IGSF10: variants seen among roughly 807,000 people sequenced by gnomAD.
The protein encoded by IGSF10 is immunoglobulin superfamily member 10, also known as calvaria mechanical force protein 608.
IGSF10 carries 126 observed loss-of-function variants against 128.2 expected under a neutral mutation model. That is an observed-to-expected ratio of 0.98 (90% CI 0.85 to 1.14). The LOEUF (loss-of-function observed/expected upper bound fraction) is 1.14. Among genes scored for constraint, IGSF10 ranks in the 50% most tolerant of loss-of-function variants. The pLI is 0.00. For missense variants in IGSF10, 3,295 were observed against 3,149.8 expected, an observed-to-expected ratio of 1.05 and a Z score of -1.10; for synonymous variants, 1,185 against 1,146.2, an observed-to-expected ratio of 1.03 and a Z score of -0.68.
chr3:151,498,731 T>C, the IGSF10 span, among the ~76,000 whole-genome samples: 5 of 152,166 alleles, frequency 3.3e-5, no homozygotes, highest in Non-Finnish European at 7.4e-5. Context: ...GACAGCCATT[T>C]CAGAAGCTGA....
the IGSF10 span, among the ~76,000 whole-genome samples, chr3:151,615,879 T>C: frequency 0.011 from 1,688 of 152,226 alleles, 32 homozygotes; most frequent in African/African-American, 0.039. Context: ...CTTGGAGTTA[T>C]GTTAATTTAT....
chr3:151,479,907 G>C, the IGSF10 span, among the ~76,000 whole-genome samples: 1 of 151,410 alleles, frequency 6.6e-6, no homozygotes, highest in East Asian at 1.9e-4. Flanking sequence ...ATCATGAAGA[G>C]ACACAGTCTT....
intron 4 of IGSF10, among the ~76,000 whole-genome samples, chr3:151,454,784 A>G (rs1261473561): frequency 6.6e-6 from 1 of 152,044 alleles, no homozygotes; most frequent in Non-Finnish European, 1.5e-5. Flanking sequence ...ACTTGAGGCC[A>G]GGAGTTTGAG....
the IGSF10 span, among the ~76,000 whole-genome samples, chr3:151,510,933 G>A: frequency 2.0e-5 from 3 of 152,116 alleles, no homozygotes; most frequent in Non-Finnish European, 2.9e-5. Context: ...AAAAAGAAAT[G>A]AACAAAGCCT....
chr3:151,448,257 G>C lies in IGSF10; in HGVS notation c.1724C>G (p.Ala575Gly). The change falls in exon 6 of 8, where the codon GCC becomes GGC. Residue 575 changes from alanine (A) to glycine (G), a missense_variant. Physicochemically the swap from Ala to Gly is moderately conservative, Grantham distance 60. Coordinates refer to ENST00000282466, the MANE Select transcript of IGSF10 (RefSeq NM_178822.5). ...GTGATGAATCCCATTTTCCTGATAG[G>C]CTTCGACCAAAGGTTCTACCACAGT... The part of the protein sequence containing the change: ...RITVVEPLVE[A>G]YQENGIHHTV... 1 of 1,614,178 alleles carries C rather than the reference G, an allele frequency of 6.2e-7. No individual in the cohort carries two copies. Among genetic ancestry groups the C allele is most frequent in the Non-Finnish European group, 8.5e-7 (1 of 1,180,012 alleles).
the IGSF10 span, among the ~76,000 whole-genome samples, chr3:151,617,320 C>CTT: frequency 3.4e-3 from 282 of 83,500 alleles, 7 homozygotes; most frequent in Middle Eastern, 6.3e-3. Context: ...CTTCTTCTTC[C>CTT]CCTCCTCCTC....
At chr3:151,556,510 A>G in the IGSF10 span, among the ~76,000 whole-genome samples, 6 of 152,170 alleles carry the variant, frequency 3.9e-5, no homozygotes, top group Non-Finnish European at 7.3e-5. Flanking sequence ...AAACTGAACA[A>G]GATGTAAGAA....
the IGSF10 span, among the ~76,000 whole-genome samples, chr3:151,541,366 G>T: frequency 3.9e-5 from 6 of 152,142 alleles, no homozygotes; most frequent in Admixed American, 6.5e-5. Context: ...ACAGAGCTGA[G>T]TCATGTCAAA....
At chr3:151,572,699 T>A in the IGSF10 span, among the ~76,000 whole-genome samples, 18 of 152,154 alleles carry the variant, frequency 1.2e-4, no homozygotes, top group African/African-American at 4.3e-4. Context: ...TTTGAAGGGT[T>A]TTTTTGTGTC....
the IGSF10 span, among the ~76,000 whole-genome samples, chr3:151,470,168 C>G: frequency 1.3e-5 from 2 of 152,170 alleles, no homozygotes; most frequent in African/African-American, 2.4e-5. Context: ...AAATTCTACT[C>G]TCATTCAGTA....
At chr3:151,477,803 T>A in the IGSF10 span, among the ~76,000 whole-genome samples, 1 of 152,192 alleles carries the variant, frequency 6.6e-6, no homozygotes, top group East Asian at 1.9e-4. Flanking sequence ...TAGTGATATG[T>A]TAGGCTTTGT....
At chr3:151,527,434 A>G in the IGSF10 span, among the ~76,000 whole-genome samples, 3 of 152,166 alleles carry the variant, frequency 2.0e-5, no homozygotes, top group Non-Finnish European at 2.9e-5. Context: ...TGGATTTTTT[A>G]TATAGCAGTG....
the IGSF10 span, among the ~76,000 whole-genome samples, chr3:151,567,630 A>T: frequency 1.3e-5 from 2 of 152,120 alleles, no homozygotes; most frequent in East Asian, 3.9e-4. Context: ...AGCCTACTGT[A>T]ACTAGCCCCC....
rs35983399 is a variant in IGSF10, at chr3:151,447,103, C to G, written c.2878G>C (p.Glu960Gln). The G allele has an allele frequency of 1.4e-3, 2,327 of 1,614,130 alleles. 27 individuals carry two copies. In the African/African-American group the frequency reaches 0.027, roughly 18 times the overall value. The change falls in exon 6 of 8, where the codon GAA becomes CAA. Residue 960 changes from glutamate to glutamine, a missense_variant. Transcript: ENST00000282466. ...TTNSHQTSVR[E>Q]VSEPRHNHFY... is the part of the protein sequence containing the mutation. The stretch of plus-strand genomic sequence containing the variant: ...TGATTGTGCCTGGGTTCACTCACTT[C>G]TCTTACAGATGTCTGATGACTATTT...
At chr3:151,579,548 T>C in the IGSF10 span, among the ~76,000 whole-genome samples, 3 of 151,270 alleles carry the variant, frequency 2.0e-5, no homozygotes, top group East Asian at 3.9e-4. Context: ...ACAAAAAATA[T>C]GTAGTAACAA....
the IGSF10 span, among the ~76,000 whole-genome samples, chr3:151,508,750 GAT>G: frequency 6.6e-6 from 1 of 152,154 alleles, no homozygotes; most frequent in African/African-American, 2.4e-5. Flanking sequence ...CCAAAAGAGA[GAT>G]AAACAGGATT....
Position 151,437,753 on chromosome 3 carries a change from C to G in IGSF10, c.6808G>C (p.Glu2270Gln). The G allele has an allele frequency of 6.2e-7, 1 of 1,613,998 alleles. No individual in the cohort carries two copies. Among genetic ancestry groups the G allele is most frequent in the Non-Finnish European group, 8.5e-7 (1 of 1,179,982 alleles). The stretch of plus-strand genomic sequence containing the variant: ...TTGTCTGGCATGATCCACATGACTT[C>G]AGGAGATGGTGTCCCTTCAGCTCTG... ...DCRAEGTPSPEVMWIMPDNIF... is the reference protein window; with the variant it reads ...DCRAEGTPSPQVMWIMPDNIF... The change falls in exon 8 of 8, where the codon GAA becomes CAA. Residue 2270 changes from glutamate to glutamine, a missense_variant. Coordinates refer to ENST00000282466, the MANE Select transcript of IGSF10 (RefSeq NM_178822.5).
chr3:151,482,597 A>G, the IGSF10 span, among the ~76,000 whole-genome samples: 1 of 152,200 alleles, frequency 6.6e-6, no homozygotes, highest in African/African-American at 2.4e-5. Flanking sequence ...CCATAGAAAG[A>G]AGAGATGGAG....
the IGSF10 span, among the ~76,000 whole-genome samples, chr3:151,599,480 G>A: frequency 1.2e-4 from 19 of 152,242 alleles, no homozygotes; most frequent in African/African-American, 4.6e-4. Context: ...GATAACAGAG[G>A]CAAGAAGGTG....
Sources: gnomAD v4.1 joint callset for allele counts (sites outside exome capture counted in the v4.1 genomes callset) on GRCh38, gnomAD v4.1.1 for gene constraint, MANE v1.5 for transcripts, NCBI Gene and HGNC (gene_info 2026-07-23, HGNC 2026-07-21) for gene names.